ZNF778: variants seen among roughly 807,000 people sequenced by gnomAD.
ZNF778 encodes the protein zinc finger protein 778.
Under a neutral mutation model 23.9 loss-of-function variants are expected in ZNF778, and 37 were observed. That is an observed-to-expected ratio of 1.54 (90% CI 1.19 to 2.03). The LOEUF (loss-of-function observed/expected upper bound fraction) is 2.03, where lower values mean the gene tolerates loss of function less well. ZNF778 is among the 30% of genes most tolerant of loss of function. ZNF778 has a pLI of 0.00. For missense variants in ZNF778, 1,297 were observed against 934.4 expected (o/e 1.39, Z -5.06); for synonymous variants, 483 against 343.9 (o/e 1.40, Z -4.48).
Position 89,235,329 on chromosome 16 carries a change from G to C in ZNF778, c.*6767G>C, listed in dbSNP as rs9939155. On this transcript the variant is annotated 3_prime_UTR_variant, in exon 7 of 7. Transcript: ENST00000433976. ...CCTAACACTGTGAGAGAAAAAATCC[G>C]AAAGTTTAGTTTTTCCCATTCGCTT... is the stretch of plus-strand genomic sequence containing the variant. 128,117 of 152,078 alleles carry C rather than the reference G, an allele frequency of 0.84. 54,318 individuals are homozygous for C. Among genetic ancestry groups the C allele is most frequent in the Non-Finnish European group, 0.9 (61,220 of 68,000 alleles). The allele number at this position is 152,078 out of a possible 1,614,324, so 9.4% of individuals were successfully genotyped here. A position where few individuals can be genotyped will look rare whatever the true frequency, so the allele number is the denominator to read the frequency against.
Position 89,221,583 on chromosome 16 carries a change from C to CTGTGTGTG in ZNF778, c.25+453_25+460dup, listed in dbSNP as rs35503385. On this transcript the variant is annotated intron_variant, in intron 2 of 6. Transcript: ENST00000433976. ...TGTGTTTTCCTGAGGCACTGTATGG[C>CTGTGTGTG]TGTGTGTGTGTGTGTGTGTGTGTGT... 5.9e-3 allele frequency among the ~76,000 whole-genome samples: 841 copies of CTGTGTGTG among 141,506 alleles called. 3 individuals are homozygous for CTGTGTGTG. Among genetic ancestry groups the CTGTGTGTG allele is most frequent in the Non-Finnish European group, 9.0e-3 (587 of 65,146 alleles). 92.8% of individuals were successfully genotyped at this position (141,506 alleles called of 152,430 possible).
intron 1 of ZNF778, among the ~76,000 whole-genome samples, chr16:89,218,618 C>T (rs1434050040): frequency 1.3e-5 from 2 of 151,460 alleles, no homozygotes; most frequent in African/African-American, 2.4e-5. Context: ...GGTGAAACCC[C>T]ATCTCTACTA....
Position 89,233,675 on chromosome 16 carries a change from T to C in ZNF778, c.*5113T>C, listed in dbSNP as rs1038329929. On this transcript the variant is annotated 3_prime_UTR_variant, in exon 7 of 7. Transcript: ENST00000433976. The stretch of plus-strand genomic sequence containing the variant: ...CATATGCAATTCAACTCGCACTGCG[T>C]ATGCAAATCAACTTACTGCATATGC... 5 of 1,285,508 alleles carry C rather than the reference T, an allele frequency of 3.9e-6. No individual in the cohort carries two copies. The highest frequency in any genetic ancestry group is 4.0e-6 in the Non-Finnish European group (4 of 987,710). 79.6% of individuals were successfully genotyped at this position (1,285,508 alleles called of 1,614,324 possible).
Position 89,232,629 on chromosome 16 carries a change from T to C in ZNF778, c.*4067T>C. On this transcript the variant is annotated 3_prime_UTR_variant, in exon 7 of 7. Coordinates refer to ENST00000433976, the MANE Select transcript of ZNF778 (RefSeq NM_001201407.2). ...GTAAGATAAAATATTAAAGGACCAA[T>C]TGTATTAATTATGTTTTTTTTTTTT... The C allele has an allele frequency of 1.7e-6, 2 of 1,173,066 alleles. No homozygotes were observed. Among genetic ancestry groups the C allele is most frequent in the Non-Finnish European group, 2.1e-6 (2 of 939,522 alleles). 72.7% of individuals were successfully genotyped at this position (1,173,066 alleles called of 1,614,324 possible).
chr16:89,221,820 C>CTG (rs374438722), intron 2 of ZNF778, among the ~76,000 whole-genome samples: 10 of 137,482 alleles, frequency 7.3e-5, no homozygotes, highest in African/African-American at 1.4e-4. Context: ...CAGTGTATGG[C>CTG]TGTGTGTGTG....
In ZNF778 at chr16:89,226,898, G is replaced by A. The variant is rs766879677; in HGVS notation, c.610G>A (p.Gly204Arg). The change falls in exon 7 of 7, where the codon GGA becomes AGA. Residue 204 changes from glycine (G) to arginine (R), a missense_variant. By Grantham distance (125) the Gly-to-Arg change is moderately radical. Coordinates refer to ENST00000433976, the MANE Select transcript of ZNF778 (RefSeq NM_001201407.2). ...GEQFSVLGQCGKAFSSTPNVV... is the reference protein window; with the variant it reads ...GEQFSVLGQCRKAFSSTPNVV... ...GCAGTTTTCCGTGTTGGGTCAGTGT[G>A]GAAAAGCCTTCAGCTCTACTCCAAA... is the stretch of plus-strand genomic sequence containing the variant. 1 of 1,614,030 alleles carries A rather than the reference G, an allele frequency of 6.2e-7. No homozygotes were observed.
chr16:89,225,381 A>G (rs941289380), intron 5 of ZNF778, among the ~76,000 whole-genome samples, 174 bp from the exon 6 acceptor site: 23 of 152,224 alleles, frequency 1.5e-4, no homozygotes, highest in African/African-American at 5.5e-4. Flanking sequence ...TTTATGGACC[A>G]AATGTATTTT....
Position 89,233,991 on chromosome 16 carries a change from C to T in ZNF778, c.*5429C>T. ...TAGCCAGCCCCAGACTTCATCCTGC[C>T]CTGTCCTGCCTTTCCTGTGAAAACC... On this transcript the variant is annotated 3_prime_UTR_variant, in exon 7 of 7. Transcript: ENST00000433976. The T allele has an allele frequency of 1.5e-5, 18 of 1,210,856 alleles. No individual in the cohort carries two copies. The highest frequency in any genetic ancestry group is 1.9e-5 in the Non-Finnish European group (17 of 917,146). 75.0% of individuals were successfully genotyped at this position (1,210,856 alleles called of 1,614,324 possible). A position where few individuals can be genotyped will look rare whatever the true frequency, so the allele number is the denominator to read the frequency against.
Position 89,228,716 on chromosome 16 carries a change from T to G in ZNF778, c.*154T>G, listed in dbSNP as rs535775788. The G allele has an allele frequency of 4.2e-6, 6 of 1,439,556 alleles. No homozygotes were observed. The South Asian group carries it at 9.3e-5, about 22-fold the overall frequency. The allele number at this position is 1,439,556 out of a possible 1,614,324, so 89.2% of individuals were successfully genotyped here. ...GGCAGGAACTCACCCTGGAGCCCTA[T>G]GCAGCAGACACAGAGAAAGCCCTCA... is the stretch of plus-strand genomic sequence containing the variant. On this transcript the variant is annotated 3_prime_UTR_variant, in exon 7 of 7. Transcript: ENST00000433976.
chr16:89,219,001 G>A (rs886279548), intron 1 of ZNF778, among the ~76,000 whole-genome samples: 4 of 152,130 alleles, frequency 2.6e-5, no homozygotes, highest in Non-Finnish European at 5.9e-5. Context: ...CAGCTAGTCG[G>A]GAGGCTGAGG....
At position 89,234,728 on chromosome 16, in the gene ZNF778, CA is replaced by C. The variant is rs1371204128; in HGVS notation, c.*6168del. The C allele has an allele frequency of 6.6e-6, 1 of 152,488 alleles. No homozygotes were observed. Among genetic ancestry groups the C allele is most frequent in the Non-Finnish European group, 1.5e-5 (1 of 68,382 alleles). 9.4% of individuals were successfully genotyped at this position (152,488 alleles called of 1,614,324 possible). A position where few individuals can be genotyped will look rare whatever the true frequency, so the allele number is the denominator to read the frequency against. ...GTCAGGAGATCAAGACCATCCTGGC[CA>C]ACATGGTGAAACGCCATCTCTACTA... On this transcript the variant is annotated 3_prime_UTR_variant, in exon 7 of 7. Coordinates refer to ENST00000433976, the MANE Select transcript of ZNF778 (RefSeq NM_001201407.2).
At position 89,227,905 on chromosome 16, in the gene ZNF778, G is replaced by A; in HGVS notation, c.1617G>A (p.Gly539=). Residue 539 remains glycine (G), a synonymous_variant, in exon 7 of 7, where the codon GGG becomes GGA. Transcript: ENST00000433976. ...GEKPYECKDC[G]KAYNRVYLLN... is the part of the protein sequence containing the mutation. ...AGCCCTATGAATGTAAGGACTGTGG[G>A]AAAGCCTACAATAGGGTTTATCTAC... 6.2e-7 allele frequency: 1 copy of A among 1,614,156 alleles called. No individual in the cohort carries two copies. The highest frequency in any genetic ancestry group is 1.1e-5 in the South Asian group (1 of 91,072).
In ZNF778 at chr16:89,226,676, C is replaced by A. The variant is rs765063528; in HGVS notation, c.406-18C>A. The A allele has an allele frequency of 6.3e-7, 1 of 1,596,654 alleles. No homozygotes were observed. The highest frequency in any genetic ancestry group is 2.2e-5 in the East Asian group (1 of 44,634). ...AGCCTCAGTAACCCCCTGACCACCA[C>A]TCATTCTTCACCAACAGGCAAGAAG... On this transcript the variant is annotated intron_variant, in intron 6 of 6. Transcript: ENST00000433976.
At position 89,227,800 on chromosome 16, in the gene ZNF778, C is replaced by A. The variant is rs769041739; in HGVS notation, c.1512C>A (p.Pro504=). 1 of 1,613,854 alleles carries A rather than the reference C, an allele frequency of 6.2e-7. No homozygotes were observed. Among genetic ancestry groups the A allele is most frequent in the Admixed American group, 1.7e-5 (1 of 60,018 alleles). ...CGAGAATCCATACCGGAGAGAAACC[C>A]TACGAATGTAAGCAGTGTGGCAAAG... ...EHARIHTGEK[P]YECKQCGKAF... The change falls in exon 7 of 7, where the codon CCC becomes CCA. Residue 504 remains proline, a synonymous_variant. Transcript: ENST00000433976.
rs1274807179 is a variant in ZNF778 at position 89,228,554 on chromosome 16, C to A, written c.2266C>A (p.Pro756Thr). The A allele has an allele frequency of 1.9e-6, 3 of 1,576,266 alleles. No individual in the cohort carries two copies. The highest frequency in any genetic ancestry group is 1.4e-5 in the African/African-American group (1 of 73,182). Residue 756 changes from proline (P) to threonine (T), a missense_variant, in exon 7 of 7, where the codon CCT (proline) becomes ACT (threonine). Physicochemically the swap from Pro to Thr is conservative, Grantham distance 38. Transcript: ENST00000433976. ...HHTQIHTDEK[P>T]F ...CACTCAAATTCACACTGATGAGAAA[C>A]CTTTCTAATGTAAAGAATGTGGGGA...
Position 89,227,093 on chromosome 16 carries a change from G to A in ZNF778, c.805G>A (p.Ala269Thr), listed in dbSNP as rs148111555. 3,214 of 1,613,954 alleles carry A rather than the reference G, an allele frequency of 2.0e-3. 37 individuals are homozygous for A. The Admixed American group carries it at 0.027, about 14-fold the overall frequency. Residue 269 changes from alanine (A) to threonine (T), a missense_variant, in exon 7 of 7, where the codon GCC becomes ACC. Ala to Thr is a moderately conservative substitution (Grantham distance 58). Coordinates refer to ENST00000433976, the MANE Select transcript of ZNF778 (RefSeq NM_001201407.2). ...GKALTHSMGC[A>T]TPVEMHAVRN... is the part of the protein sequence containing the mutation. ...AGCTCTAACTCACTCCATGGGCTGC[G>A]CCACACCTGTTGAAATGCATGCCGT...
At position 89,222,911 on chromosome 16, in the gene ZNF778, G is replaced by T. The variant is rs1204906061; in HGVS notation, c.118-246G>T. Among the ~76,000 whole-genome samples the T allele has an allele frequency of 1.5e-3, 17 of 11,678 alleles. 1 individual carries two copies. In the Admixed American group the frequency reaches 0.05, roughly 35 times the overall value. The allele number at this position is 11,678 out of a possible 152,430, so 7.7% of individuals were successfully genotyped here. ...GCCGTGTGACTGGAGGAGAGCGACA[G>T]GGTGCGCGTGACTGGAGGAGCGCGA... On this transcript the variant is annotated intron_variant, in intron 3 of 6. Transcript: ENST00000433976.
At position 89,223,162 on chromosome 16, in the gene ZNF778, G is replaced by A. The variant is rs182828753; in HGVS notation, c.123G>A (p.Ala41=). Residue 41 remains alanine (A), a synonymous_variant, in exon 4 of 7, where the codon GCG becomes GCA. Transcript: ENST00000433976. The stretch of plus-strand genomic sequence containing the variant: ...CGTCATGTGTGATGATTTAGGACGC[G>A]GTGACCTTTGACGACGTGGCTGTGG... The part of the protein sequence containing the change: ...AGWLINCYQD[A]VTFDDVAVDF... 8.7e-6 allele frequency: 14 copies of A among 1,613,110 alleles called. No individual in the cohort carries two copies. Among genetic ancestry groups the A allele is most frequent in the East Asian group, 4.5e-5 (2 of 44,842 alleles).
chr16:89,227,660 T>A lies in ZNF778; in HGVS notation c.1372T>A (p.Phe458Ile). ...PYTCKDCGKA[F>I]CTSSGLTEHV... The stretch of plus-strand genomic sequence containing the variant: ...CACGTGTAAGGACTGCGGGAAAGCC[T>A]TCTGTACATCCTCGGGCCTTACTGA... The change falls in exon 7 of 7, where the codon TTC (phenylalanine) becomes ATC (isoleucine). Residue 458 changes from phenylalanine (F) to isoleucine (I), a missense_variant. Phe to Ile is a conservative substitution (Grantham distance 21). Transcript: ENST00000433976. 1 of 1,614,154 alleles carries A rather than the reference T, an allele frequency of 6.2e-7. No individual in the cohort carries two copies. The highest frequency in any genetic ancestry group is 8.5e-7 in the Non-Finnish European group (1 of 1,180,004).
Sources: allele counts gnomAD v4.1 joint callset (sites outside exome capture counted in the v4.1 genomes callset), GRCh38; gene constraint gnomAD v4.1.1; transcripts MANE v1.5; gene names NCBI Gene and HGNC (gene_info 2026-07-23, HGNC 2026-07-21).